CFAP54: variants seen among roughly 807,000 people sequenced by gnomAD.
The protein encoded by CFAP54 is cilia and flagella associated protein 54.
Under a neutral mutation model 370.4 loss-of-function variants are expected in CFAP54, and 290 were observed. That is an observed-to-expected ratio of 0.78 (90% CI 0.71 to 0.86). The LOEUF (loss-of-function observed/expected upper bound fraction) is 0.86, where lower values mean the gene tolerates loss of function less well. Ranked by LOEUF, CFAP54 falls within the 40% of genes least tolerant of loss-of-function variation. The pLI, the probability that CFAP54 is intolerant of heterozygous loss-of-function variation, is 0.00. For synonymous variants in CFAP54, 1,206 were observed against 1,236.5 expected, an observed-to-expected ratio of 0.98 and a Z score of 0.52; for missense variants, 3,399 against 3,528.7, an observed-to-expected ratio of 0.96 and a Z score of 0.93.
At chr12:96,711,701 A>T (rs1204419183) in intron 48 of CFAP54, among the ~76,000 whole-genome samples, 1 of 152,192 alleles carries the variant, frequency 6.6e-6, no homozygotes, top group Non-Finnish European at 1.5e-5. Context: ...CCTTAGAATC[A>T]TTTCCAGAGA....
chr12:96,585,820 GC>G (rs1214941997), intron 22 of CFAP54, among the ~76,000 whole-genome samples: 2 of 152,150 alleles, frequency 1.3e-5, no homozygotes, highest in African/African-American at 4.8e-5. Context: ...CTTTGCCCAA[GC>G]CAGCCCAGAC....
intron 55 of CFAP54, among the ~76,000 whole-genome samples, chr12:96,751,758 A>G (rs542159557): frequency 1.3e-5 from 2 of 152,232 alleles, no homozygotes; most frequent in African/African-American, 4.8e-5. Context: ...AATCCCCTTG[A>G]ACAAGTCATT....
intron 17 of CFAP54, among the ~76,000 whole-genome samples, chr12:96,560,151 T>C (rs1010397631): frequency 2.6e-5 from 4 of 152,184 alleles, no homozygotes; most frequent in Non-Finnish European, 5.9e-5. Context: ...CTTCTAGCTA[T>C]TTTGAAATGT....
intron 55 of CFAP54, among the ~76,000 whole-genome samples, chr12:96,752,120 G>GAGAGAGAT (rs1466011731): frequency 2.7e-5 from 4 of 150,650 alleles, no homozygotes; most frequent in African/African-American, 9.9e-5. Context: ...GAGAGAGAGA[G>GAGAGAGAT]AGAGAGAGAG....
chr12:96,818,286 A>T (rs1490485083), intron 65 of CFAP54, among the ~76,000 whole-genome samples: 1 of 152,242 alleles, frequency 6.6e-6, no homozygotes, highest in Non-Finnish European at 1.5e-5. Flanking sequence ...AAACTAGAAA[A>T]TATAGATAAG....
intron 9 of CFAP54, among the ~76,000 whole-genome samples, chr12:96,530,934 T>C (rs184666879): frequency 6.6e-6 from 1 of 152,238 alleles, no homozygotes. Context: ...GCTAAAGATG[T>C]TAAACAGTTT....
intron 62 of CFAP54, among the ~76,000 whole-genome samples, chr12:96,788,555 G>A (rs1958651630): frequency 1.3e-5 from 2 of 152,282 alleles, no homozygotes; most frequent in African/African-American, 2.4e-5. Context: ...CTCTCCCAGA[G>A]AAGTTCCCAG....
intron 13 of CFAP54, chr12:96,538,756 C>G (rs573494352): frequency 2.3e-6 from 1 of 442,984 alleles, no homozygotes; most frequent in South Asian, 2.7e-5. Context: ...GTGTTTCAGG[C>G]CTTTTTTTTT....
chr12:96,594,620 C>T (rs903792021), intron 25 of CFAP54, among the ~76,000 whole-genome samples, 174 bp downstream of exon 25: 3 of 152,112 alleles, frequency 2.0e-5, no homozygotes, highest in Admixed American at 2.0e-4. Context: ...TGTCTGGGCA[C>T]ATATAGATAA....
chr12:96,605,868 A>G (rs1299580106), intron 26 of CFAP54, among the ~76,000 whole-genome samples: 1 of 152,174 alleles, frequency 6.6e-6, no homozygotes, highest in Non-Finnish European at 1.5e-5. Context: ...GTATGCTCTG[A>G]GCAAGAGTTA....
At chr12:96,734,980 A>G (rs1957962696) in intron 50 of CFAP54, among the ~76,000 whole-genome samples, 1 of 152,224 alleles carries the variant, frequency 6.6e-6, no homozygotes, top group African/African-American at 2.4e-5. Context: ...AAATGGTCAA[A>G]TACCATAAAC....
At chr12:96,868,723 A>G (rs1041872668) in intron 67 of CFAP54, among the ~76,000 whole-genome samples, 1 of 152,224 alleles carries the variant, frequency 6.6e-6, no homozygotes. Flanking sequence ...TAGAAAAGTA[A>G]GATGGAGCCA....
At chr12:96,779,618 T>G (rs769031135) in intron 60 of CFAP54, among the ~76,000 whole-genome samples, 16 of 149,552 alleles carry the variant, frequency 1.1e-4, no homozygotes, top group Non-Finnish European at 2.1e-4. Context: ...CTACATGAAA[T>G]CTTATATGAA....
At chr12:96,592,126 G>A (rs1293529153) in intron 23 of CFAP54, among the ~76,000 whole-genome samples, 3 of 152,056 alleles carry the variant, frequency 2.0e-5, no homozygotes, top group African/African-American at 4.8e-5. Flanking sequence ...GTTAGTTAGC[G>A]TGAATGAAAG....
At chr12:96,657,268 A>G (rs571751796) in intron 36 of CFAP54, among the ~76,000 whole-genome samples, 44 of 152,346 alleles carry the variant, frequency 2.9e-4, no homozygotes, top group African/African-American at 1.0e-3. Context: ...CACTATTGGT[A>G]CATAGTAACT....
At chr12:96,808,053 T>C (rs913853830) in intron 63 of CFAP54, among the ~76,000 whole-genome samples, 2 of 152,182 alleles carry the variant, frequency 1.3e-5, no homozygotes, top group African/African-American at 4.8e-5. Context: ...ATTTCTGCCT[T>C]CTTCTTTCCT....
intron 26 of CFAP54, among the ~76,000 whole-genome samples, chr12:96,605,540 A>G (rs1956290903): frequency 6.6e-6 from 1 of 152,238 alleles, no homozygotes; most frequent in African/African-American, 2.4e-5. Context: ...GTATCTGGAC[A>G]TCTAAACCCA....
chr12:96,690,178 A>G (rs1957374606), intron 43 of CFAP54, among the ~76,000 whole-genome samples: 1 of 152,234 alleles, frequency 6.6e-6, no homozygotes, highest in East Asian at 1.9e-4. Flanking sequence ...TCTTAGTAAT[A>G]CTATACCTAA....
intron 63 of CFAP54, among the ~76,000 whole-genome samples, chr12:96,798,720 A>G (rs2136709659): frequency 6.6e-6 from 1 of 152,318 alleles, no homozygotes; most frequent in Admixed American, 6.5e-5. Flanking sequence ...ATAAACTCCT[A>G]ACCTCAATAA....
Sources: gnomAD v4.1 joint callset for allele counts (sites outside exome capture counted in the v4.1 genomes callset) on GRCh38, gnomAD v4.1.1 for gene constraint, MANE v1.5 for transcripts, NCBI Gene and HGNC (gene_info 2026-07-23, HGNC 2026-07-21) for gene names.